Variants in DZIP3 observed in about 807,000 individuals in gnomAD.
The protein encoded by DZIP3 is DAZ interacting zinc finger protein 3.
DZIP3 carries 118 observed loss-of-function variants against 162.0 expected under a neutral mutation model. The ratio of observed to expected loss-of-function variants is 0.73; its 90% CI spans 0.63 to 0.85. The LOEUF (loss-of-function observed/expected upper bound fraction) is 0.85. Among genes scored for constraint, DZIP3 ranks in the 40% least tolerant of loss-of-function variants. DZIP3 has a pLI of 0.00. For missense variants in DZIP3, 1,331 were observed against 1,407.0 expected, an observed-to-expected ratio of 0.95 and a Z score of 0.86; for synonymous variants, 438 against 458.6, an observed-to-expected ratio of 0.96 and a Z score of 0.57.
At chr3:108,631,052 C>T (rs866918646) in intron 8 of DZIP3, among the ~76,000 whole-genome samples, 4 of 102,228 alleles carry the variant, frequency 3.9e-5, no homozygotes, top group African/African-American at 7.3e-5. Flanking sequence ...CACACACACA[C>T]ACACTCTCTC....
intron 31 of DZIP3, among the ~76,000 whole-genome samples, chr3:108,689,869 T>C (rs1482700926): frequency 6.6e-6 from 1 of 152,136 alleles, no homozygotes; most frequent in Admixed American, 6.5e-5. Flanking sequence ...GAAAGGCTTT[T>C]CAGGGAAGTA....
At chr3:108,688,406 A>G (rs1441592504) in intron 29 of DZIP3, among the ~76,000 whole-genome samples, 187 bp from the exon 30 acceptor site, 1 of 152,194 alleles carries the variant, frequency 6.6e-6, no homozygotes, top group Non-Finnish European at 1.5e-5. Flanking sequence ...AAGAATGTAT[A>G]GAGTTATTTT....
rs748935812 is a variant in DZIP3, at chr3:108,688,670, C to T, written c.3348C>T (p.Pro1116=). The T allele has an allele frequency of 1.2e-6, 2 of 1,614,026 alleles. No individual in the cohort carries two copies. Among genetic ancestry groups the T allele is most frequent in the Non-Finnish European group, 1.7e-6 (2 of 1,180,030 alleles). The change falls in exon 30 of 33, where the codon CCC becomes CCT. Residue 1116 remains proline, a synonymous_variant. Coordinates refer to ENST00000361582, the MANE Select transcript of DZIP3 (RefSeq NM_014648.4). ...HSPSQPDAAQ[P]PKPAWRPLTS... ...CATCACAGCCTGATGCTGCCCAGCC[C>T]CCAAAACCAGCCTGGAGGCCACTCA...
intron 16 of DZIP3, chr3:108,648,435 G>T (rs1338212140): frequency 5.3e-6 from 1 of 188,518 alleles, no homozygotes; most frequent in African/African-American, 2.3e-5. Flanking sequence ...GTCTAAAATA[G>T]AGAGGAAAGA....
chr3:108,640,319 A>T (rs1219920734), intron 12 of DZIP3, among the ~76,000 whole-genome samples: 3 of 137,954 alleles, frequency 2.2e-5, no homozygotes, highest in East Asian at 2.1e-4. Context: ...TATACTATTC[A>T]TTTTTTTTTT....
Position 108,624,534 on chromosome 3 carries a change from A to G in DZIP3, c.456+10A>G, listed in dbSNP as rs74527976. 1,993 of 1,476,258 alleles carry G rather than the reference A, an allele frequency of 1.4e-3. 14 individuals carry two copies. The African/African-American group carries it at 0.025, about 18-fold the overall frequency. 91.4% of individuals were successfully genotyped at this position (1,476,258 alleles called of 1,614,324 possible). A position where few individuals can be genotyped will look rare whatever the true frequency, so the allele number is the denominator to read the frequency against. On this transcript the variant is annotated intron_variant, in intron 6 of 32. Transcript: ENST00000361582. ...AAGAGGAAAGAAAGAGGTATGTAAC[A>G]TGTTATTTGCCCTTTATAAATCTTT...
At chr3:108,649,124 T>C (rs1465357443) in intron 17 of DZIP3, among the ~76,000 whole-genome samples, 162 bp downstream of exon 17, 1 of 151,898 alleles carries the variant, frequency 6.6e-6, no homozygotes, top group Non-Finnish European at 1.5e-5. Context: ...TGTTATATCC[T>C]GAATGATTTT....
chr3:108,642,341 GA>G (rs1409047386), intron 12 of DZIP3, 96 bp from the exon 13 acceptor site: 2 of 1,259,014 alleles, frequency 1.6e-6, no homozygotes, highest in Non-Finnish European at 2.1e-6. Context: ...TCTAGGAGAA[GA>G]TGAAAATACT....
chr3:108,672,409 C>A, intron 22 of DZIP3, 151 bp from the exon 23 acceptor site: 1 of 636,682 alleles, frequency 1.6e-6, no homozygotes, highest in Non-Finnish European at 2.8e-6. Context: ...AGGGATTGAA[C>A]AATGTATCTT....
chr3:108,680,064 T>C (rs2107390626), intron 26 of DZIP3, among the ~76,000 whole-genome samples: 1 of 152,180 alleles, frequency 6.6e-6, no homozygotes, highest in Admixed American at 6.6e-5. Flanking sequence ...TTTCAATAGA[T>C]GCAGAAAAAG....
chr3:108,684,065 A>G, intron 26 of DZIP3, 151 bp from the exon 27 acceptor site: 1 of 759,428 alleles, frequency 1.3e-6, no homozygotes, highest in Non-Finnish European at 1.9e-6. Flanking sequence ...TCATTTTCTG[A>G]CATACATTGT....
chr3:108,604,571 C>T (rs532732501), intron 1 of DZIP3, among the ~76,000 whole-genome samples: 24 of 152,160 alleles, frequency 1.6e-4, no homozygotes, highest in African/African-American at 5.3e-4. Context: ...TTTGTGTTGC[C>T]TCAGTGTTAT....
chr3:108,616,418 T>TA lies in DZIP3; in HGVS notation c.259-120dup, dbSNP rs36033447. 1.5e-5 allele frequency: 9 copies of TA among 600,834 alleles called. No homozygotes were observed. In the East Asian group the frequency reaches 1.9e-4, roughly 12 times the overall value. The allele number at this position is 600,834 out of a possible 1,614,324, so 37.2% of individuals were successfully genotyped here. On this transcript the variant is annotated intron_variant, in intron 4 of 32. Coordinates refer to ENST00000361582, the MANE Select transcript of DZIP3 (RefSeq NM_014648.4). ...CTGGTTGGTATGGATTTTTTTTTTT[T>TA]AAACCGTCTTTATCTCTATTTTTAA...
At chr3:108,623,785 A>C (rs1488502714) in intron 5 of DZIP3, among the ~76,000 whole-genome samples, 1 of 152,182 alleles carries the variant, frequency 6.6e-6, no homozygotes, top group Non-Finnish European at 1.5e-5. Context: ...CCACACTGGC[A>C]GGGCTTGCTG....
chr3:108,641,218 A>G (rs531639744), intron 12 of DZIP3, among the ~76,000 whole-genome samples: 9 of 152,118 alleles, frequency 5.9e-5, no homozygotes, highest in African/African-American at 2.2e-4. Context: ...CTTTTGTGCT[A>G]TTGTTTTCAT....
chr3:108,604,016 C>A (rs1189961722), intron 1 of DZIP3, among the ~76,000 whole-genome samples: 1 of 152,108 alleles, frequency 6.6e-6, no homozygotes, highest in Non-Finnish European at 1.5e-5. Flanking sequence ...ATCATTAAAA[C>A]AATGTTTCTT....
intron 1 of DZIP3, among the ~76,000 whole-genome samples, chr3:108,597,487 C>G (rs1939770975): frequency 6.6e-6 from 1 of 151,640 alleles, no homozygotes; most frequent in Non-Finnish European, 1.5e-5. Flanking sequence ...AAATGATATA[C>G]TTTTAAGTTA....
At chr3:108,646,709 T>A in intron 15 of DZIP3, 60 bp downstream of exon 15, 1 of 1,220,310 alleles carries the variant, frequency 8.2e-7, no homozygotes, top group South Asian at 1.4e-5. Context: ...ACCTATGAAA[T>A]TTTTATTTGT....
chr3:108,692,764 T>C (rs1305420745), intron 32 of DZIP3, among the ~76,000 whole-genome samples: 2 of 152,090 alleles, frequency 1.3e-5, no homozygotes, highest in Non-Finnish European at 2.9e-5. Flanking sequence ...TACTAACAAG[T>C]TTGCCAAGTT....
Sources: allele counts gnomAD v4.1 joint callset (sites outside exome capture counted in the v4.1 genomes callset), GRCh38; gene constraint gnomAD v4.1.1; transcripts MANE v1.5; gene names NCBI Gene and HGNC (gene_info 2026-07-23, HGNC 2026-07-21).